Variants in KCNJ6 observed in about 807,000 individuals in gnomAD.
KCNJ6 encodes the protein potassium inwardly rectifying channel subfamily J member 6.
Under a neutral mutation model 34.2 loss-of-function variants are expected in KCNJ6, and 9 were observed. That is an observed-to-expected ratio of 0.26 (90% CI 0.16 to 0.46). The LOEUF is 0.46. Ranked by LOEUF, KCNJ6 falls within the 20% of genes least tolerant of loss-of-function variation. The probability of loss-of-function intolerance (pLI) is 1.00; values close to 1 mark genes in which losing one functional copy is unlikely to be tolerated. For synonymous variants in KCNJ6, 196 were observed against 207.1 expected, an observed-to-expected ratio of 0.95 and a Z score of 0.46; for missense variants, 236 against 531.3, an observed-to-expected ratio of 0.44 and a Z score of 5.46.
chr21:37,729,276 C>T (rs1037937401), intron 2 of KCNJ6, among the ~76,000 whole-genome samples: 30 of 151,478 alleles, frequency 2.0e-4, no homozygotes, highest in African/African-American at 7.0e-4. Context: ...ATAAACGCCA[C>T]GTCACTCTGG....
At chr21:37,702,803 T>A (rs1033598581) in intron 3 of KCNJ6, among the ~76,000 whole-genome samples, 3 of 151,842 alleles carry the variant, frequency 2.0e-5, no homozygotes, top group Non-Finnish European at 4.4e-5. Context: ...CTTATTGAGG[T>A]AGGAGGGAAA....
At chr21:37,634,980 C>G (rs2054351026) in intron 3 of KCNJ6, among the ~76,000 whole-genome samples, 1 of 151,590 alleles carries the variant, frequency 6.6e-6, no homozygotes, top group South Asian at 2.1e-4. Context: ...TGGTCTCGAA[C>G]TCCTGGCCTC....
In KCNJ6 at chr21:37,805,857, C is replaced by T. The variant is rs915830320; in HGVS notation, c.25+34801G>A. Among the ~76,000 whole-genome samples, 5 of 152,260 alleles carry T rather than the reference C, an allele frequency of 3.3e-5. No homozygotes were observed. The East Asian group carries it at 9.7e-4, about 29-fold the overall frequency. On this transcript the variant is annotated intron_variant, in intron 2 of 3. Coordinates refer to ENST00000609713, the MANE Select transcript of KCNJ6 (RefSeq NM_002240.5). ...AGGAATGCCAAGGATCTCTGTCAACCACGAGGAGTCGGAAGAGGCCAGGAA... is the reference window on the plus strand; with the variant it reads ...AGGAATGCCAAGGATCTCTGTCAACTACGAGGAGTCGGAAGAGGCCAGGAA...
chr21:37,630,010 C>T (rs1329195784), intron 3 of KCNJ6, among the ~76,000 whole-genome samples: 1 of 152,028 alleles, frequency 6.6e-6, no homozygotes, highest in African/African-American at 2.4e-5. Flanking sequence ...TCCTGTCTTA[C>T]GTATTGACTT....
At chr21:37,906,008 C>T (rs2055839834) in intron 1 of KCNJ6, among the ~76,000 whole-genome samples, 1 of 152,152 alleles carries the variant, frequency 6.6e-6, no homozygotes, top group Admixed American at 6.5e-5. Context: ...CTTAATATGG[C>T]TTTTCTCAAG....
chr21:37,736,986 A>G (rs754216819), intron 2 of KCNJ6, among the ~76,000 whole-genome samples: 32 of 152,176 alleles, frequency 2.1e-4, no homozygotes, highest in Non-Finnish European at 4.6e-4. Flanking sequence ...TCCTGACATG[A>G]GTTTCCTAAC....
At chr21:37,860,641 GCA>G (rs2055590175) in intron 1 of KCNJ6, among the ~76,000 whole-genome samples, 1 of 152,028 alleles carries the variant, frequency 6.6e-6, no homozygotes, top group South Asian at 2.1e-4. Context: ...CACTCACACT[GCA>G]GTCTTTGACT....
intron 3 of KCNJ6, among the ~76,000 whole-genome samples, chr21:37,690,938 T>C (rs918735614): frequency 1.3e-5 from 2 of 152,070 alleles, no homozygotes; most frequent in African/African-American, 4.8e-5. Flanking sequence ...TCTGCCACCA[T>C]ACCCGGCTAA....
rs55859652 is a variant in KCNJ6 at position 37,859,487 on chromosome 21, T to TTATATATA, written c.-27-18786_-27-18779dup. Among the ~76,000 whole-genome samples the TTATATATA allele has an allele frequency of 2.3e-3, 192 of 84,198 alleles. 1 individual carries two copies. The highest frequency in any genetic ancestry group is 3.1e-3 in the Non-Finnish European group (135 of 44,250). The allele number at this position is 84,198 out of a possible 152,430, so 55.2% of individuals were successfully genotyped here. A position where few individuals can be genotyped will look rare whatever the true frequency, so the allele number is the denominator to read the frequency against. ...ATTTTAACTATGGGCTTATATTACT[T>TTATATATA]TATATATATATATATATATATATAT... On this transcript the variant is annotated intron_variant, in intron 1 of 3. Coordinates refer to ENST00000609713, the MANE Select transcript of KCNJ6 (RefSeq NM_002240.5).
chr21:37,845,328 G>A (rs1032154048), intron 1 of KCNJ6, among the ~76,000 whole-genome samples: 2 of 152,110 alleles, frequency 1.3e-5, no homozygotes, highest in African/African-American at 4.8e-5. Flanking sequence ...ACTTACTTTG[G>A]CCTGAAAATT....
At chr21:37,775,448 T>C (rs1406513874) in intron 2 of KCNJ6, among the ~76,000 whole-genome samples, 1 of 152,236 alleles carries the variant, frequency 6.6e-6, no homozygotes, top group Non-Finnish European at 1.5e-5. Context: ...TGAATGGTAT[T>C]GCCTAGGTTT....
chr21:37,914,176 G>A (rs1215933497), intron 1 of KCNJ6, among the ~76,000 whole-genome samples: 101 of 152,198 alleles, frequency 6.6e-4, no homozygotes, highest in Non-Finnish European at 8.8e-5. Context: ...GCACCGCCAT[G>A]CATAAAATGG....
At chr21:37,689,901 T>C (rs555917193) in intron 3 of KCNJ6, among the ~76,000 whole-genome samples, 16 of 152,006 alleles carry the variant, frequency 1.1e-4, no homozygotes, top group Middle Eastern at 3.4e-3. Flanking sequence ...GAGTCAAAAG[T>C]TGGGTCTCAC....
rs2054378442 is a variant in KCNJ6, at chr21:37,641,020, A to T, written c.947-15536T>A. Among the ~76,000 whole-genome samples, 3 of 152,208 alleles carry T rather than the reference A, an allele frequency of 2.0e-5. No individual in the cohort carries two copies. In the South Asian group the frequency reaches 6.2e-4, roughly 31 times the overall value. ...GTAATGGGGAGGAGGTTTAAGAAAAAGTAGGGAATAGGAAGAGGGAATTTA... is the reference window on the plus strand; with the variant it reads ...GTAATGGGGAGGAGGTTTAAGAAAATGTAGGGAATAGGAAGAGGGAATTTA... On this transcript the variant is annotated intron_variant, in intron 3 of 3. Transcript: ENST00000609713.
chr21:37,761,300 CTGTG>C (rs1055422641), intron 2 of KCNJ6, among the ~76,000 whole-genome samples: 16 of 115,564 alleles, frequency 1.4e-4, no homozygotes, highest in East Asian at 5.3e-4. Flanking sequence ...AGAGTGGTGT[CTGTG>C]TATGTGCTGT....
chr21:37,884,756 A>G (rs7283801), intron 1 of KCNJ6, among the ~76,000 whole-genome samples: 7,866 of 152,248 alleles, frequency 0.052, 438 homozygotes, highest in East Asian at 0.23. Context: ...GGTCAGGAAG[A>G]GGGGCAGACA....
chr21:37,741,698 C>T (rs987196842), intron 2 of KCNJ6, among the ~76,000 whole-genome samples: 1 of 152,226 alleles, frequency 6.6e-6, no homozygotes, highest in East Asian at 1.9e-4. Flanking sequence ...CATGTGGCCC[C>T]TCCTGTGCAG....
chr21:37,705,722 G>C (rs1019595535), intron 3 of KCNJ6, among the ~76,000 whole-genome samples: 1 of 152,222 alleles, frequency 6.6e-6, no homozygotes, highest in Non-Finnish European at 1.5e-5. Flanking sequence ...TTTGAATTCA[G>C]TCTGTCTGAT....
chr21:37,851,819 C>G (rs1355811223), intron 1 of KCNJ6, among the ~76,000 whole-genome samples: 2 of 151,692 alleles, frequency 1.3e-5, no homozygotes, highest in African/African-American at 4.8e-5. Context: ...TAAGTTGACT[C>G]TGAAAGGTGA....
Sources: allele counts gnomAD v4.1 joint callset (sites outside exome capture counted in the v4.1 genomes callset), GRCh38; gene constraint gnomAD v4.1.1; transcripts MANE v1.5; gene names NCBI Gene and HGNC (gene_info 2026-07-23, HGNC 2026-07-21).